The following IFT46 variants were observed in gnomAD, a reference collection of about 807,000 sequenced individuals.
IFT46 encodes the protein intraflagellar transport protein 46 homolog.
A neutral mutation model predicts 39.6 loss-of-function variants in IFT46; 19 were observed. The observed-to-expected ratio is 0.48, with a 90% CI of 0.33 to 0.70. The LOEUF is 0.70. Among genes scored for constraint, IFT46 ranks in the 30% least tolerant of loss-of-function variants. The pLI is 0.01. For missense variants in IFT46, 334 were observed against 364.8 expected (o/e 0.92, Z 0.69); for synonymous variants, 117 against 134.8 (o/e 0.87, Z 0.91).
upstream of IFT46, among the ~76,000 whole-genome samples, chr11:118,576,386 C>T (rs1303877463): frequency 8.7e-6 from 1 of 115,158 alleles, no homozygotes; most frequent in Non-Finnish European, 1.7e-5. Flanking sequence ...AGGGCTCTTG[C>T]AAGTTCCTTT....
chr11:118,558,392 C>T (rs919508288), intron 3 of IFT46, among the ~76,000 whole-genome samples: 3 of 152,016 alleles, frequency 2.0e-5, no homozygotes, highest in Non-Finnish European at 4.4e-5. Flanking sequence ...GTCAGGAGTT[C>T]GAGACCAGCC....
chr11:118,548,045 CTTT>C (rs544682715), intron 9 of IFT46, among the ~76,000 whole-genome samples: 2 of 129,170 alleles, frequency 1.5e-5, no homozygotes, highest in Admixed American at 7.8e-5. Context: ...CACGCCCAGC[CTTT>C]TTTTTTTTTT....
At chr11:118,557,708 A>T in intron 3 of IFT46, 1 of 1,612,708 alleles carries the variant, frequency 6.2e-7, no homozygotes, top group South Asian at 1.1e-5. Context: ...CAAGATAAAC[A>T]GCTCTTTTGT....
At chr11:118,568,800 C>T (rs1391828360), upstream of IFT46, among the ~76,000 whole-genome samples, 1 of 151,538 alleles carries the variant, frequency 6.6e-6, no homozygotes, top group Non-Finnish European at 1.5e-5. Context: ...GGACTATAGG[C>T]ATGGGCCACC....
At chr11:118,560,686 C>T in intron 2 of IFT46, 1 of 574,106 alleles carries the variant, frequency 1.7e-6, no homozygotes, top group Non-Finnish European at 3.2e-6. Flanking sequence ...CTCTGTTCCG[C>T]AGAATGGGGT....
intron 1 of IFT46, chr11:118,572,428 C>T (rs1464209753): frequency 1.2e-5 from 11 of 931,046 alleles, no homozygotes; most frequent in Admixed American, 3.2e-5. Context: ...AGAGGCGAAG[C>T]GGCAGCGGTT....
In IFT46 at chr11:118,559,826, C is replaced by T; in HGVS notation, c.4G>A (p.Ala2Thr). 1 of 1,613,196 alleles carries T rather than the reference C, an allele frequency of 6.2e-7. No homozygotes were observed. Among genetic ancestry groups the T allele is most frequent in the Non-Finnish European group, 8.5e-7 (1 of 1,179,222 alleles). M[A>T]DNSSDECEEE... ...TCACACTCATCACTGCTGTTATCAG[C>T]CATAGCCTTGTTAGGAAGATGGGCA... The change falls in exon 3 of 12, where the codon GCT (alanine) becomes ACT (threonine). Residue 2 changes from alanine (A) to threonine (T), a missense_variant. Coordinates refer to ENST00000264021, the MANE Select transcript of IFT46 (RefSeq NM_001168618.2).
chr11:118,564,171 AGAGT>A (rs1938151182), intron 2 of IFT46, among the ~76,000 whole-genome samples: 1 of 132,190 alleles, frequency 7.6e-6, no homozygotes, highest in Non-Finnish European at 1.6e-5. Context: ...CCTGTGTGAT[AGAGT>A]GAGACTCTGT....
chr11:118,545,827 A>G lies in IFT46; in HGVS notation c.699T>C (p.Asp233=), dbSNP rs782138843. 14 of 1,614,166 alleles carry G rather than the reference A, an allele frequency of 8.7e-6. No homozygotes were observed. Among genetic ancestry groups the G allele is most frequent in the Admixed American group, 1.7e-5 (1 of 60,030 alleles). The stretch of plus-strand genomic sequence containing the variant: ...TGTCAATGTACTCTGCCAGGCTGCA[A>G]TCAATCTCTGCCGTGGGCAGGCTTA... ...GKVSLPTAEI[D]CSLAEYIDMI... The change falls in exon 10 of 12, where the codon GAT becomes GAC. Residue 233 remains aspartate, a synonymous_variant. Coordinates refer to ENST00000264021, the MANE Select transcript of IFT46 (RefSeq NM_001168618.2).
upstream of IFT46, chr11:118,566,022 G>C (rs1427268806): frequency 6.6e-6 from 1 of 152,204 alleles, no homozygotes; most frequent in East Asian, 1.9e-4. Context: ...GCAGGAAGAA[G>C]ATCAAGGAGT....
intron 10 of IFT46, 141 bp from the exon 11 acceptor site, chr11:118,545,635 A>G (rs1951662475): frequency 9.4e-7 from 1 of 1,068,312 alleles, no homozygotes; most frequent in Non-Finnish European, 1.4e-6. Context: ...GTAGTCACAT[A>G]AGCCAAACAC....
Position 118,544,759 on chromosome 11 carries a change from G to C in IFT46, c.*157C>G. ...GCAGGCAGGTTCATTAAACAAACATGTTCTGTGCCCTCTGGCAGAGAGGGC... is the reference window on the plus strand; with the variant it reads ...GCAGGCAGGTTCATTAAACAAACATCTTCTGTGCCCTCTGGCAGAGAGGGC... On this transcript the variant is annotated 3_prime_UTR_variant, in exon 12 of 12. Transcript: ENST00000264021. 1 of 619,678 alleles carries C rather than the reference G, an allele frequency of 1.6e-6. No individual in the cohort carries two copies. Among genetic ancestry groups the C allele is most frequent in the Admixed American group, 2.8e-5 (1 of 35,892 alleles). The allele number at this position is 619,678 out of a possible 1,614,324, so 38.4% of individuals were successfully genotyped here.
upstream of IFT46, among the ~76,000 whole-genome samples, chr11:118,566,239 GTCTTACCAGGA>G (rs1462065090): frequency 2.6e-5 from 4 of 152,164 alleles, no homozygotes; most frequent in Admixed American, 2.6e-4. Flanking sequence ...TCCCAGATCA[GTCTTACCAGGA>G]TGTAGACACA....
chr11:118,561,908 G>A (rs782620536), intron 2 of IFT46, among the ~76,000 whole-genome samples: 5 of 152,198 alleles, frequency 3.3e-5, no homozygotes, highest in Non-Finnish European at 7.3e-5. Context: ...AGAGGCGGAG[G>A]CAGGCAGATT....
chr11:118,556,450 G>A (rs556282333), intron 4 of IFT46, among the ~76,000 whole-genome samples: 7 of 151,588 alleles, frequency 4.6e-5, no homozygotes, highest in South Asian at 2.1e-4. Flanking sequence ...CCGAGATCAC[G>A]CCACTGCACT....
chr11:118,560,961 T>G, intron 2 of IFT46: 1 of 1,331,788 alleles, frequency 7.5e-7, no homozygotes, highest in Non-Finnish European at 1.1e-6. Flanking sequence ...AAGGTTGGCC[T>G]GACAAATTAT....
intron 4 of IFT46, among the ~76,000 whole-genome samples, 167 bp downstream of exon 4, chr11:118,556,739 G>A (rs1187264302): frequency 6.6e-6 from 1 of 152,126 alleles, no homozygotes; most frequent in Non-Finnish European, 1.5e-5. Flanking sequence ...GAGTCAGAAA[G>A]GGAGGAAAAC....
upstream of IFT46, among the ~76,000 whole-genome samples, chr11:118,576,143 G>A (rs1163476829): frequency 2.0e-5 from 3 of 151,748 alleles, no homozygotes; most frequent in South Asian, 2.1e-4. Flanking sequence ...AGGCAGAACA[G>A]AAACCTAATT....
chr11:118,572,709 G>C (rs1249340206), exon 1 of IFT46: 9 of 784,104 alleles, frequency 1.1e-5, no homozygotes, highest in South Asian at 4.0e-5. Context: ...CCTGTGCCCG[G>C]TCTCCTGGAG....
Sources: allele counts gnomAD v4.1 joint callset (sites outside exome capture counted in the v4.1 genomes callset), GRCh38; gene constraint gnomAD v4.1.1; transcripts MANE v1.5; gene names NCBI Gene and HGNC (gene_info 2026-07-23, HGNC 2026-07-21).